TMPRSS9: variants seen among roughly 807,000 people sequenced by gnomAD.
TMPRSS9 encodes transmembrane protease serine 9.
TMPRSS9 carries 113 observed loss-of-function variants against 111.4 expected under a neutral mutation model. The ratio of observed to expected loss-of-function variants is 1.01; its 90% CI spans 0.87 to 1.19. TMPRSS9 has a LOEUF of 1.19. Among genes scored for constraint, TMPRSS9 ranks in the 50% most tolerant of loss-of-function variants. The pLI is 0.00. For synonymous variants in TMPRSS9, 805 were observed against 659.1 expected, an observed-to-expected ratio of 1.22 and a Z score of -3.39; for missense variants, 1,803 against 1,513.1, an observed-to-expected ratio of 1.19 and a Z score of -3.18.
At position 2,410,395 on chromosome 19, in the gene TMPRSS9, G is replaced by A. The variant is rs775904282; in HGVS notation, c.1254+1G>A. On this transcript the variant is annotated splice_donor_variant, in intron 9 of 17. Transcript: ENST00000648592. LOFTEE classifies it high-confidence loss of function. ...GGACGGGAAGGTGGACTCCTGCCAG[G>A]TGAGCCCCCGATGCCCCAGACCCCA... 1.2e-6 allele frequency: 2 copies of A among 1,613,768 alleles called. No individual in the cohort carries two copies. The highest frequency in any genetic ancestry group is 1.1e-5 in the South Asian group (1 of 91,076).
At chr19:2,420,605 C>T (rs144221517) in intron 13 of TMPRSS9, among the ~76,000 whole-genome samples, 192 of 151,462 alleles carry the variant, frequency 1.3e-3, no homozygotes, top group African/African-American at 4.6e-3. Context: ...ACCTACCCAG[C>T]CCAAGTTCTT....
chr19:2,410,340 C>G, exon 9 of TMPRSS9: 5 of 1,614,128 alleles, frequency 3.1e-6, no homozygotes, highest in Non-Finnish European at 4.2e-6. Context: ...GCCATTCACT[C>G]ACTGACAGGA....
At chr19:2,419,780 C>T (rs535223977) in intron 13 of TMPRSS9, among the ~76,000 whole-genome samples, 2 of 152,116 alleles carry the variant, frequency 1.3e-5, no homozygotes, top group African/African-American at 2.4e-5. Context: ...GCCTCCCAAA[C>T]TGCTAGGATG....
intron 1 of TMPRSS9, among the ~76,000 whole-genome samples, chr19:2,379,365 T>C (rs930837799): frequency 1.3e-5 from 2 of 151,854 alleles, no homozygotes; most frequent in African/African-American, 2.4e-5. Flanking sequence ...TTTTGTATTT[T>C]TAGTAGAGAT....
intron 12 of TMPRSS9, among the ~76,000 whole-genome samples, chr19:2,417,485 A>G (rs1419584290): frequency 7.3e-5 from 10 of 137,608 alleles, no homozygotes; most frequent in South Asian, 4.6e-4. Context: ...AAAAAAAAAT[A>G]GAAAAATAAA....
rs754462312 is a variant in TMPRSS9 at position 2,401,956 on chromosome 19, CT to C, written c.515-17del. 15 of 1,603,610 alleles carry C rather than the reference CT, an allele frequency of 9.4e-6. No homozygotes were observed. The highest frequency in any genetic ancestry group is 1.3e-5 in the Non-Finnish European group (15 of 1,173,660). On this transcript the variant is annotated intron_variant, in intron 4 of 17. Transcript: ENST00000648592. The stretch of plus-strand genomic sequence containing the variant: ...TACCGCTTATTCAGTGAGCTTCTAT[CT>C]TCTCTGTTTTGTTGCAGGGAGACAT...
chr19:2,370,861 C>G (rs1043303188), intron 1 of TMPRSS9, among the ~76,000 whole-genome samples: 3 of 152,044 alleles, frequency 2.0e-5, no homozygotes, highest in South Asian at 2.1e-4. Flanking sequence ...ACTCGGGAGG[C>G]TGAGGCAGGA....
intron 1 of TMPRSS9, among the ~76,000 whole-genome samples, chr19:2,369,876 A>T (rs192493395): frequency 6.6e-6 from 1 of 152,114 alleles, no homozygotes; most frequent in Admixed American, 6.6e-5. Context: ...ACAAGACTGC[A>T]GTCAGAGTGT....
At chr19:2,425,943 C>G in exon 18 of TMPRSS9, 1 of 1,600,002 alleles carries the variant, frequency 6.2e-7, no homozygotes, top group Non-Finnish European at 8.5e-7. Flanking sequence ...GCTGGGGGAC[C>G]CCTGGCCTGC....
At chr19:2,362,500 G>A (rs776914539) in intron 1 of TMPRSS9, among the ~76,000 whole-genome samples, 11 of 152,026 alleles carry the variant, frequency 7.2e-5, no homozygotes, top group East Asian at 1.9e-4. Flanking sequence ...TATAGTGTAC[G>A]GTTGTGTGTG....
intron 12 of TMPRSS9, 121 bp downstream of exon 13, chr19:2,416,930 T>TACA: frequency 7.8e-7 from 1 of 1,285,282 alleles, no homozygotes; most frequent in South Asian, 1.5e-5. Context: ...GGGACCTCTG[T>TACA]GGCTGATCCC....
At chr19:2,390,388 C>T (rs902060515) in intron 1 of TMPRSS9, among the ~76,000 whole-genome samples, 4 of 150,100 alleles carry the variant, frequency 2.7e-5, no homozygotes, top group East Asian at 3.9e-4. Context: ...GGACTACAGG[C>T]GCCCGCCACC....
chr19:2,397,484 C>T (rs1970735247), intron 2 of TMPRSS9, among the ~76,000 whole-genome samples: 2 of 152,170 alleles, frequency 1.3e-5, no homozygotes, highest in South Asian at 4.2e-4. Context: ...TATGCACACA[C>T]TGGAATATGA....
At chr19:2,425,460 C>G (rs371929865) in exon 17 of TMPRSS9, 2 of 1,591,826 alleles carry the variant, frequency 1.3e-6, no homozygotes. Flanking sequence ...TGCTGTGTGC[C>G]GGCTTCCCGC....
chr19:2,408,469 A>G, exon 8 of TMPRSS9: 1 of 1,613,800 alleles, frequency 6.2e-7, no homozygotes, highest in Non-Finnish European at 8.5e-7. Flanking sequence ...CCCCTGTACA[A>G]CGCGGACACG....
At chr19:2,393,150 G>T (rs571380449) in intron 1 of TMPRSS9, among the ~76,000 whole-genome samples, 3 of 152,250 alleles carry the variant, frequency 2.0e-5, no homozygotes, top group South Asian at 2.1e-4. Flanking sequence ...AGCCAGCAGC[G>T]GCAACCGGCT....
intron 9 of TMPRSS9, among the ~76,000 whole-genome samples, chr19:2,411,064 C>T (rs1395801264): frequency 6.6e-6 from 1 of 151,894 alleles, no homozygotes; most frequent in Non-Finnish European, 1.5e-5. Flanking sequence ...CTATGCGAGG[C>T]CAAGGCGGGT....
chr19:2,418,211 G>C (rs1026015930), intron 13 of TMPRSS9, 73 bp downstream of exon 14: 78 of 1,552,006 alleles, frequency 5.0e-5, no homozygotes, highest in Non-Finnish European at 6.4e-5. Flanking sequence ...GCAGTTCTTT[G>C]TGTGCAGACC....
chr19:2,415,235 G>A (rs564040339), intron 10 of TMPRSS9, among the ~76,000 whole-genome samples: 4 of 152,102 alleles, frequency 2.6e-5, no homozygotes, highest in South Asian at 2.1e-4. Context: ...ATGAGCCACC[G>A]CGCCCGGCCA....
Sources: allele counts gnomAD v4.1 joint callset (sites outside exome capture counted in the v4.1 genomes callset), GRCh38; gene constraint gnomAD v4.1.1; transcripts MANE v1.5; gene names NCBI Gene and HGNC (gene_info 2026-07-23, HGNC 2026-07-21).